Variants in RNF31 observed in about 807,000 individuals in gnomAD.
The protein encoded by RNF31 is E3 ubiquitin-protein ligase RNF31.
RNF31 carries 38 observed loss-of-function variants against 133.6 expected under a neutral mutation model. The ratio of observed to expected loss-of-function variants is 0.28; its 90% CI spans 0.22 to 0.37. The LOEUF is 0.37. Among genes scored for constraint, RNF31 ranks in the 10% least tolerant of loss-of-function variants. RNF31 has a pLI of 1.00. For synonymous variants in RNF31, 582 were observed against 552.3 expected (o/e 1.05, Z -0.75); for missense variants, 1,118 against 1,394.1 (o/e 0.80, Z 3.15).
rs756191077 is a variant in RNF31, at chr14:24,157,960, C to T, written c.2790C>T (p.Cys930=). The T allele has an allele frequency of 1.9e-6, 3 of 1,614,168 alleles. No individual in the cohort carries two copies. The highest frequency in any genetic ancestry group is 2.5e-6 in the Non-Finnish European group (3 of 1,180,036). ...TGCACGGCCACCACCCTCGAGACTG[C>T]CTCTTCTACCTGCGGGACTGGACTG... ...KSLHGHHPRD[C]LFYLRDWTAL... Residue 930 remains cysteine, a synonymous_variant, in exon 17 of 21, where the codon TGC becomes TGT. Coordinates refer to ENST00000324103, the MANE Select transcript of RNF31 (RefSeq NM_017999.5).
chr14:24,148,226 C>T (rs777987544), intron 2 of RNF31, 32 bp from the exon 3 acceptor site: 3 of 1,613,768 alleles, frequency 1.9e-6, no homozygotes, highest in Non-Finnish European at 2.5e-6. Flanking sequence ...CAGGAAACCT[C>T]CTGGGTGGTG....
intron 14 of RNF31, among the ~76,000 whole-genome samples, chr14:24,156,037 T>C (rs914419373): frequency 6.6e-6 from 1 of 152,232 alleles, no homozygotes; most frequent in African/African-American, 2.4e-5. Context: ...AAGTCTTCTC[T>C]AAAATGGTTT....
intron 18 of RNF31, among the ~76,000 whole-genome samples, chr14:24,159,364 A>AAC (rs1258087736): frequency 5.2e-4 from 78 of 150,712 alleles, no homozygotes; most frequent in African/African-American, 1.9e-3. Flanking sequence ...AAAAAAAAAA[A>AAC]AAAAAAAACC....
At chr14:24,158,919 G>A (rs899355055) in intron 18 of RNF31, among the ~76,000 whole-genome samples, 13 of 150,716 alleles carry the variant, frequency 8.6e-5, no homozygotes, top group South Asian at 2.1e-4. Context: ...TGTAGTCCCA[G>A]CTACTCGGGA....
Position 24,150,279 on chromosome 14 carries a change from G to A in RNF31, c.1028G>A (p.Gly343Glu). The change falls in exon 7 of 21, where the codon GGA becomes GAA. Residue 343 changes from glycine (G) to glutamate (E), a missense_variant. Physicochemically the swap from Gly to Glu is moderately conservative, Grantham distance 98. Coordinates refer to ENST00000324103, the MANE Select transcript of RNF31 (RefSeq NM_017999.5). ...GLGTEGPQGTGGLEPDLARGR... is the reference protein window; with the variant it reads ...GLGTEGPQGTEGLEPDLARGR... ...GGAACTGAGGGTCCCCAAGGAACTG[G>A]AGGCCTAGAACCTGATCTTGCACGG... The A allele has an allele frequency of 6.2e-7, 1 of 1,614,210 alleles. No individual in the cohort carries two copies. The highest frequency in any genetic ancestry group is 8.5e-7 in the Non-Finnish European group (1 of 1,180,038).
chr14:24,157,409 G>A lies in RNF31; in HGVS notation c.2608+5G>A, dbSNP rs1348970683. 10 of 1,607,640 alleles carry A rather than the reference G, an allele frequency of 6.2e-6. No individual in the cohort carries two copies. The highest frequency in any genetic ancestry group is 8.5e-6 in the Non-Finnish European group (10 of 1,174,798). ...ATCTTCAGGAAAACGGCATTGGTAAGGCCTCCCTACTCGGCCTGTTTGCTC... is the reference window on the plus strand; with the variant it reads ...ATCTTCAGGAAAACGGCATTGGTAAAGCCTCCCTACTCGGCCTGTTTGCTC... On this transcript the variant is annotated splice_donor_5th_base_variant and intron_variant, in intron 15 of 20. Coordinates refer to ENST00000324103, the MANE Select transcript of RNF31 (RefSeq NM_017999.5).
intron 11 of RNF31, among the ~76,000 whole-genome samples, chr14:24,154,162 T>G (rs973297485): frequency 8.9e-5 from 13 of 145,628 alleles, no homozygotes; most frequent in South Asian, 2.2e-4. Flanking sequence ...GCCCGGCTAA[T>G]TTTTTTTTTT....
chr14:24,159,352 CAAAA>C (rs777764741), intron 18 of RNF31, among the ~76,000 whole-genome samples: 5 of 54,338 alleles, frequency 9.2e-5, no homozygotes, highest in Admixed American at 2.2e-4. Flanking sequence ...AACTCCATCT[CAAAA>C]AAAAAAAAAA....
At chr14:24,147,946 C>T in intron 1 of RNF31, 30 bp from the exon 2 acceptor site, 1 of 1,614,050 alleles carries the variant, frequency 6.2e-7, no homozygotes, top group Non-Finnish European at 8.5e-7. Context: ...CCAGGCCACG[C>T]TCACACCTCT....
At position 24,151,268 on chromosome 14, in the gene RNF31, G is replaced by A; in HGVS notation, c.1626G>A (p.Gln542=). The A allele has an allele frequency of 6.2e-7, 1 of 1,614,240 alleles. No homozygotes were observed. The highest frequency in any genetic ancestry group is 2.2e-5 in the East Asian group (1 of 44,886). Residue 542 remains glutamine (Q), a synonymous_variant, in exon 9 of 21, where the codon CAG becomes CAA. Coordinates refer to ENST00000324103, the MANE Select transcript of RNF31 (RefSeq NM_017999.5). The surrounding 1 kb of genome is among the most constrained non-coding windows in gnomAD (Gnocchi z 5.3). ...LEMVAELAGQ[Q]DPGLGAFSCQ... ...TGGTGGCTGAGCTGGCTGGACAGCAGGACCCTGGGCTGGGTGCCTTTTCCT... is the reference window on the plus strand; with the variant it reads ...TGGTGGCTGAGCTGGCTGGACAGCAAGACCCTGGGCTGGGTGCCTTTTCCT...
At position 24,155,101 on chromosome 14, in the gene RNF31, C is replaced by T; in HGVS notation, c.2131-56C>T. 1 of 1,567,862 alleles carries T rather than the reference C, an allele frequency of 6.4e-7. No homozygotes were observed. Among genetic ancestry groups the T allele is most frequent in the South Asian group, 1.1e-5 (1 of 87,840 alleles). ...GTGGACACCTGGCCACTGCCTCTTC[C>T]CTAGCCTGGCAGCTGTGGCTTCTGA... On this transcript the variant is annotated intron_variant, in intron 11 of 20. Transcript: ENST00000324103. The surrounding 1 kb of genome is among the most constrained non-coding windows in gnomAD (Gnocchi z 4.9).
chr14:24,148,489 G>T (rs554658377), intron 3 of RNF31, 76 bp downstream of exon 3: 1 of 1,610,330 alleles, frequency 6.2e-7, no homozygotes, highest in Non-Finnish European at 8.5e-7. Flanking sequence ...TAAGTTTGAG[G>T]ACCCCCGTGC....
chr14:24,148,333 G>A lies in RNF31; in HGVS notation c.415G>A (p.Glu139Lys), dbSNP rs45466595. 8,064 of 1,614,214 alleles carry A rather than the reference G, an allele frequency of 5.0e-3. 26 individuals are homozygous for A. The highest frequency in any genetic ancestry group is 6.0e-3 in the Non-Finnish European group (7,105 of 1,180,044). ...PDGLSFPEGQ[E>K]EPDEHQVATV... Reference sequence around the variant, plus strand: ...TGGGTTGAGCTTCCCCGAAGGGCAGGAGGAGCCAGATGAGCACCAGGTTGC... The same window carrying A: ...TGGGTTGAGCTTCCCCGAAGGGCAGAAGGAGCCAGATGAGCACCAGGTTGC... Residue 139 changes from glutamate (E) to lysine (K), a missense_variant, in exon 3 of 21, where the codon GAG (glutamate) becomes AAG (lysine). Coordinates refer to ENST00000324103, the MANE Select transcript of RNF31 (RefSeq NM_017999.5).
rs746300193 is a variant in RNF31, at chr14:24,148,889, C to T, written c.631+13C>T. 3.2e-5 allele frequency: 51 copies of T among 1,610,854 alleles called. No individual in the cohort carries two copies. In the East Asian group the frequency reaches 8.7e-4, roughly 27 times the overall value. On this transcript the variant is annotated intron_variant, in intron 5 of 20. Transcript: ENST00000324103. The stretch of plus-strand genomic sequence containing the variant: ...CCCTCTGTCCCAGGTATTATTGGTC[C>T]TAAATTGGGGACCAGGTAGGAAGCT...
rs1458178278 is a variant in RNF31 at position 24,149,399 on chromosome 14, C to A, written c.632-7C>A. ...TGGAAAGATGTTCCATCTCTCCTGC[C>A]CTCCAGGCTCCACTCCTGGTCCCTG... On this transcript the variant is annotated splice_polypyrimidine_tract_variant and splice_region_variant and intron_variant, in intron 5 of 20. Coordinates refer to ENST00000324103, the MANE Select transcript of RNF31 (RefSeq NM_017999.5). 1 of 1,610,916 alleles carries A rather than the reference C, an allele frequency of 6.2e-7. No homozygotes were observed.
In RNF31 at chr14:24,151,480, T is replaced by G; in HGVS notation, c.1738-5T>G. On this transcript the variant is annotated splice_region_variant and splice_polypyrimidine_tract_variant and intron_variant, in intron 9 of 20. Coordinates refer to ENST00000324103, the MANE Select transcript of RNF31 (RefSeq NM_017999.5). This position sits in a 1 kb window ranked among gnomAD's most constrained non-coding sequence, Gnocchi z 5.3. ...TCATTCCCCCTTGCCACTCCCATCT[T>G]GCAGGTGCAGGAGCTCCAGTCTCTA... 1 of 1,614,072 alleles carries G rather than the reference T, an allele frequency of 6.2e-7. No individual in the cohort carries two copies. The highest frequency in any genetic ancestry group is 2.2e-5 in the East Asian group (1 of 44,882).
At position 24,157,416 on chromosome 14, in the gene RNF31, C is replaced by G. The variant is rs1242574047; in HGVS notation, c.2608+12C>G. The G allele has an allele frequency of 1.9e-6, 3 of 1,605,628 alleles. No individual in the cohort carries two copies. Among genetic ancestry groups the G allele is most frequent in the Non-Finnish European group, 2.6e-6 (3 of 1,173,012 alleles). ...GGAAAACGGCATTGGTAAGGCCTCC[C>G]TACTCGGCCTGTTTGCTCAGAAGCC... On this transcript the variant is annotated intron_variant, in intron 15 of 20. Transcript: ENST00000324103.
At position 24,155,623 on chromosome 14, in the gene RNF31, T is replaced by G. The variant is rs2038331096; in HGVS notation, c.2424T>G (p.Tyr808Ter). 1 of 1,614,096 alleles carries G rather than the reference T, an allele frequency of 6.2e-7. No individual in the cohort carries two copies. The highest frequency in any genetic ancestry group is 1.7e-5 in the Admixed American group (1 of 60,004). ...WCAQCSFGFI[Y>*]EREQLEATCP... ...TCCAGTGCTCCTTTGGCTTCATATA[T>G]GAGCGTGAGCAGCTGGAGGCAACTT... is the stretch of plus-strand genomic sequence containing the variant. The change falls in exon 14 of 21, where the codon TAT becomes TAG. Residue 808 changes from tyrosine to a stop codon, truncating the protein, a stop_gained. Coordinates refer to ENST00000324103, the MANE Select transcript of RNF31 (RefSeq NM_017999.5). LOFTEE classifies it high-confidence loss of function. The surrounding 1 kb of genome is among the most constrained non-coding windows in gnomAD (Gnocchi z 4.9).
At chr14:24,149,173 G>A in intron 5 of RNF31, 1 of 598,546 alleles carries the variant, frequency 1.7e-6, no homozygotes. Context: ...ATGTTGGTCA[G>A]GCTGGTCTGG....
Sources: gnomAD v4.1 joint callset for allele counts (sites outside exome capture counted in the v4.1 genomes callset) on GRCh38, gnomAD v4.1.1 for gene constraint, Gnocchi (gnomAD v3.1) non-coding constraint, MANE v1.5 for transcripts, NCBI Gene and HGNC (gene_info 2026-07-23, HGNC 2026-07-21) for gene names.